The following MKLN1 variants were observed in gnomAD, a reference collection of about 807,000 sequenced individuals.
The protein encoded by MKLN1 is muskelin 1, also known as muskelin.
Under a neutral mutation model 99.0 loss-of-function variants are expected in MKLN1, and 18 were observed. The ratio of observed to expected loss-of-function variants is 0.18; its 90% CI spans 0.13 to 0.27. The LOEUF (loss-of-function observed/expected upper bound fraction) is 0.27, where lower values mean the gene tolerates loss of function less well. Ranked by LOEUF, MKLN1 falls within the 10% of genes least tolerant of loss-of-function variation. MKLN1 has a pLI of 1.00. For synonymous variants in MKLN1, 288 were observed against 293.2 expected, an observed-to-expected ratio of 0.98 and a Z score of 0.18; for missense variants, 621 against 875.9, an observed-to-expected ratio of 0.71 and a Z score of 3.67.
intron 3 of MKLN1, among the ~76,000 whole-genome samples, chr7:131,249,511 C>T (rs1318149420): frequency 1.3e-5 from 2 of 152,202 alleles, no homozygotes. Flanking sequence ...GACATTTGAC[C>T]TTGCTAGGCA....
chr7:131,266,864 T>G (rs531357583), intron 3 of MKLN1, among the ~76,000 whole-genome samples: 1 of 151,986 alleles, frequency 6.6e-6, no homozygotes, highest in South Asian at 2.1e-4. Flanking sequence ...GAAAAAGGAC[T>G]AGAGTGTCTT....
chr7:131,149,118 A>G (rs979321791), intron 2 of MKLN1, among the ~76,000 whole-genome samples: 3 of 152,014 alleles, frequency 2.0e-5, no homozygotes, highest in Admixed American at 6.6e-5. Flanking sequence ...GGTTTTTGGC[A>G]TTTTGTTTTG....
chr7:131,479,830 AAATAAT>A (rs929767152), intron 17 of MKLN1, among the ~76,000 whole-genome samples: 8 of 138,436 alleles, frequency 5.8e-5, no homozygotes, highest in South Asian at 2.3e-4. Flanking sequence ...CCGTCTCAAA[AAATAAT>A]AATAATAATA....
intron 17 of MKLN1, among the ~76,000 whole-genome samples, chr7:131,480,140 A>AT (rs528835211): frequency 1.6e-3 from 242 of 151,640 alleles, no homozygotes; most frequent in Middle Eastern, 6.9e-3. Flanking sequence ...TGATAGCTTC[A>AT]TTTTTTACCA....
chr7:131,322,159 TTTTG>T (rs1798790580), intron 3 of MKLN1, among the ~76,000 whole-genome samples: 1 of 152,350 alleles, frequency 6.6e-6, no homozygotes, highest in South Asian at 2.1e-4. Flanking sequence ...GTTTTCATTT[TTTTG>T]TTTGTGTGTT....
chr7:131,390,849 A>G (rs1294158478), intron 4 of MKLN1, among the ~76,000 whole-genome samples: 1 of 152,144 alleles, frequency 6.6e-6, no homozygotes. Flanking sequence ...ATTATAGGGC[A>G]TAATGATGTC....
intron 1 of MKLN1, among the ~76,000 whole-genome samples, chr7:131,365,619 A>G (rs1479209426): frequency 1.3e-5 from 2 of 152,076 alleles, no homozygotes; most frequent in African/African-American, 2.4e-5. Flanking sequence ...TGATTTTTGT[A>G]TATGATGTGA....
At chr7:131,466,136 A>C in intron 14 of MKLN1, 140 bp from the exon 15 acceptor site, 1 of 539,856 alleles carries the variant, frequency 1.9e-6, no homozygotes, top group Non-Finnish European at 3.0e-6. Context: ...AAATCAAGAG[A>C]AGCTTTTGGT....
At chr7:131,327,812 C>A (rs971319061), upstream of MKLN1, 1 of 1,498,714 alleles carries the variant, frequency 6.7e-7, no homozygotes, top group East Asian at 2.4e-5. Context: ...CCGGGGAGGG[C>A]GGCGGCCCCT....
At chr7:131,450,238 C>T (rs1796140747) in intron 12 of MKLN1, among the ~76,000 whole-genome samples, 1 of 152,158 alleles carries the variant, frequency 6.6e-6, no homozygotes, top group African/African-American at 2.4e-5. Context: ...AGAATAGAAC[C>T]ATATGCCTTA....
Position 131,487,681 on chromosome 7 carries a change from A to T in MKLN1, c.2161A>T (p.Ser721Cys). The T allele has an allele frequency of 1.9e-6, 3 of 1,613,240 alleles. No homozygotes were observed. The highest frequency in any genetic ancestry group is 2.5e-6 in the Non-Finnish European group (3 of 1,179,404). ...CACCTTAGTAAATTTCTTTCCTGAC[A>T]GCATGACTCCTCCTAAAGGCAACCT... Reference protein sequence around the residue: ...FDTLVNFFPDSMTPPKGNLVD... With the variant: ...FDTLVNFFPDCMTPPKGNLVD... Residue 721 changes from serine to cysteine, a missense_variant, in exon 18 of 18, where the codon AGC becomes TGC. Ser to Cys is a moderately radical substitution (Grantham distance 112). Around this residue, in one of 8 missense-constraint regions of MKLN1, gnomAD observed 126 missense variants for 157.4 expected, o/e 0.80. Coordinates refer to ENST00000352689, the MANE Select transcript of MKLN1 (RefSeq NM_013255.5). This position sits in a 1 kb window ranked among gnomAD's most constrained non-coding sequence, Gnocchi z 4.7.
intron 1 of MKLN1, among the ~76,000 whole-genome samples, chr7:131,354,070 T>C (rs1349211256): frequency 2.0e-5 from 3 of 152,134 alleles, no homozygotes; most frequent in Non-Finnish European, 4.4e-5. Flanking sequence ...GTGATCGCTC[T>C]CATTTTATTC....
chr7:131,430,439 C>T (rs1435860395), intron 9 of MKLN1, among the ~76,000 whole-genome samples: 1 of 151,724 alleles, frequency 6.6e-6, no homozygotes, highest in Non-Finnish European at 1.5e-5. Flanking sequence ...CTGTCTTCAA[C>T]AACAAAAGAC....
intron 8 of MKLN1, among the ~76,000 whole-genome samples, chr7:131,415,403 G>T (rs1203653732): frequency 6.6e-6 from 1 of 151,886 alleles, no homozygotes; most frequent in Non-Finnish European, 1.5e-5. Context: ...AGTGCTTCGG[G>T]AATAAAATAA....
intron 13 of MKLN1, among the ~76,000 whole-genome samples, chr7:131,463,846 A>G (rs1796586152): frequency 2.0e-5 from 3 of 152,212 alleles, no homozygotes; most frequent in African/African-American, 7.2e-5. Context: ...ATTGCTCCAT[A>G]AGTGAATATT....
intron 7 of MKLN1, among the ~76,000 whole-genome samples, chr7:131,414,127 A>C (rs1300678819): frequency 6.6e-6 from 1 of 152,210 alleles, no homozygotes; most frequent in Non-Finnish European, 1.5e-5. Context: ...CAAAGTACAA[A>C]ATTATACAAA....
At chr7:131,407,165 T>C (rs1425353573) in intron 6 of MKLN1, among the ~76,000 whole-genome samples, 1 of 152,080 alleles carries the variant, frequency 6.6e-6, no homozygotes, top group East Asian at 1.9e-4. Flanking sequence ...TTCTGTGATA[T>C]TTTCAATTTT....
chr7:131,319,501 A>C (rs1227238325), intron 3 of MKLN1, among the ~76,000 whole-genome samples: 1 of 152,240 alleles, frequency 6.6e-6, no homozygotes, highest in African/African-American at 2.4e-5. Flanking sequence ...TGAATGGGCA[A>C]AAGCTGGAGG....
chr7:131,169,055 C>T (rs182372124), intron 2 of MKLN1, among the ~76,000 whole-genome samples: 28 of 152,136 alleles, frequency 1.8e-4, no homozygotes, highest in Admixed American at 5.2e-4. Context: ...TTTAGTAAGA[C>T]GGGTTTCACC....
Sources: gnomAD v4.1 joint callset for allele counts (sites outside exome capture counted in the v4.1 genomes callset) on GRCh38, gnomAD v4.1.1 for gene constraint, gnomAD v4.1.1 regional missense constraint, Gnocchi (gnomAD v3.1) non-coding constraint, MANE v1.5 for transcripts, NCBI Gene and HGNC (gene_info 2026-07-23, HGNC 2026-07-21) for gene names.